PSMC5: variants seen among roughly 807,000 people sequenced by gnomAD.
PSMC5 encodes the protein proteasome 26S subunit, ATPase 5.
In PSMC5, 11 loss-of-function variants were observed where a neutral mutation model predicts 49.1. The ratio of observed to expected loss-of-function variants is 0.22; its 90% CI spans 0.14 to 0.37. The LOEUF (loss-of-function observed/expected upper bound fraction) is 0.37. Among genes scored for constraint, PSMC5 ranks in the 10% least tolerant of loss-of-function variants. The probability of loss-of-function intolerance (pLI) is 1.00; values close to 1 mark genes in which losing one functional copy is unlikely to be tolerated. For missense variants in PSMC5, 229 were observed against 520.9 expected (o/e 0.44, Z 5.45); for synonymous variants, 206 against 192.2 (o/e 1.07, Z -0.59).
chr17:63,827,811 C>T (rs2040129071), intron 1 of PSMC5: 3 of 1,428,436 alleles, frequency 2.1e-6, no homozygotes, highest in Admixed American at 2.9e-5. Context: ...GGCTCCGTTC[C>T]GCTGGCTCCT....
In PSMC5 at chr17:63,829,832, T is replaced by C. The variant is rs2144618079; in HGVS notation, c.167-20T>C. On this transcript the variant is annotated intron_variant, in intron 3 of 11. Coordinates refer to ENST00000310144, the MANE Select transcript of PSMC5 (RefSeq NM_002805.6). Reference sequence around the variant, plus strand: ...TCCAAAGGAGTAGCTAGGTGACCACTGTGTCTGTTTGCCATCTAGTTCGCC... The same window carrying C: ...TCCAAAGGAGTAGCTAGGTGACCACCGTGTCTGTTTGCCATCTAGTTCGCC... 1 of 1,612,486 alleles carries C rather than the reference T, an allele frequency of 6.2e-7. No homozygotes were observed. Among genetic ancestry groups the C allele is most frequent in the Non-Finnish European group, 8.5e-7 (1 of 1,178,526 alleles).
At chr17:63,827,671 C>A in intron 1 of PSMC5, 157 bp downstream of exon 1, 1 of 1,474,772 alleles carries the variant, frequency 6.8e-7, no homozygotes, top group South Asian at 1.3e-5. Context: ...TCTGCTGTGT[C>A]AGCGCCGCCC....
Position 63,827,848 on chromosome 17 carries a change from T to C in PSMC5, c.25-290T>C, listed in dbSNP as rs934916375. ...CGTCAGTACTGACACCTCGGGCTTG[T>C]AGAGCACTTCACGCAGTGCAAAGCG... On this transcript the variant is annotated intron_variant, in intron 1 of 11. Coordinates refer to ENST00000310144, the MANE Select transcript of PSMC5 (RefSeq NM_002805.6). The C allele has an allele frequency of 2.0e-5, 28 of 1,430,822 alleles. No homozygotes were observed. In the African/African-American group the frequency reaches 4.0e-4, roughly 21 times the overall value. The allele number at this position is 1,430,822 out of a possible 1,614,324, so 88.6% of individuals were successfully genotyped here. A position where few individuals can be genotyped will look rare whatever the true frequency, so the allele number is the denominator to read the frequency against.
In PSMC5 at chr17:63,830,185, A is replaced by G. The variant is rs1485923130; in HGVS notation, c.317A>G (p.Asn106Ser). 2 of 1,614,030 alleles carry G rather than the reference A, an allele frequency of 1.2e-6. No individual in the cohort carries two copies. Among genetic ancestry groups the G allele is most frequent in the East Asian group, 2.2e-5 (1 of 44,892 alleles). The change falls in exon 5 of 12, where the codon AAT (asparagine) becomes AGT (serine). Residue 106 changes from asparagine to serine, a missense_variant. Physicochemically the swap from Asn to Ser is conservative, Grantham distance 46 (BLOSUM62 1). Transcript: ENST00000310144. This position sits in a 1 kb window ranked among gnomAD's most constrained non-coding sequence, Gnocchi z 4.0. ...VVDVDKNIDI[N>S]DVTPNCRVAL... is the part of the protein sequence containing the mutation. ...GACGTGGACAAAAACATTGACATCA[A>G]TGATGTGAGTGTAGCAGGTGAGGTG...
chr17:63,828,272 C>T, intron 2 of PSMC5, 63 bp downstream of exon 2: 1 of 1,514,902 alleles, frequency 6.6e-7, no homozygotes, highest in South Asian at 1.1e-5. Context: ...CGGACTTCCA[C>T]AAATCCATCT....
rs987907949 is a variant in PSMC5 at position 63,827,473 on chromosome 17, C to G, written c.-18C>G. 5.8e-6 allele frequency: 9 copies of G among 1,551,622 alleles called. No homozygotes were observed. The African/African-American group carries it at 8.2e-5, about 14-fold the overall frequency. On this transcript the variant is annotated 5_prime_UTR_variant, in exon 1 of 12. Coordinates refer to ENST00000310144, the MANE Select transcript of PSMC5 (RefSeq NM_002805.6). ...CCAAGACGGCTCGGATGCCGGCGGT[C>G]TCTGCTGAAGAGAGAAGATGGCGCT...
Position 63,828,020 on chromosome 17 carries a change from CA to C in PSMC5, c.25-115del, listed in dbSNP as rs138713078. Reference sequence around the variant, plus strand: ...ACCCAGATCCTGAGCCTCCGAAGTCCAAACTTTTTCTACTACGCAAAGCTAC... The same window carrying C: ...ACCCAGATCCTGAGCCTCCGAAGTCCAACTTTTTCTACTACGCAAAGCTAC... On this transcript the variant is annotated intron_variant, in intron 1 of 11. Coordinates refer to ENST00000310144, the MANE Select transcript of PSMC5 (RefSeq NM_002805.6). The C allele has an allele frequency of 3.2e-3, 4,454 of 1,375,922 alleles. 108 individuals carry two copies. In the African/African-American group the frequency reaches 0.054, roughly 17 times the overall value. 85.2% of individuals were successfully genotyped at this position (1,375,922 alleles called of 1,614,324 possible).
chr17:63,827,929 C>A lies in PSMC5; in HGVS notation c.25-209C>A, dbSNP rs1000628655. Reference sequence around the variant, plus strand: ...CCTCCTAAAAGTCGTATGAGGTAGGCGGCGTTCCCATTCTTTTATTTTAGT... The same window carrying A: ...CCTCCTAAAAGTCGTATGAGGTAGGAGGCGTTCCCATTCTTTTATTTTAGT... On this transcript the variant is annotated intron_variant, in intron 1 of 11. Coordinates refer to ENST00000310144, the MANE Select transcript of PSMC5 (RefSeq NM_002805.6). The A allele has an allele frequency of 2.2e-6, 3 of 1,346,840 alleles. No homozygotes were observed. In the African/African-American group the frequency reaches 4.4e-5, roughly 20 times the overall value. The allele number at this position is 1,346,840 out of a possible 1,614,324, so 83.4% of individuals were successfully genotyped here.
chr17:63,831,458 G>A lies in PSMC5; in HGVS notation c.969+33G>A. On this transcript the variant is annotated intron_variant, in intron 9 of 11. Coordinates refer to ENST00000310144, the MANE Select transcript of PSMC5 (RefSeq NM_002805.6). The surrounding 1 kb of genome is among the most constrained non-coding windows in gnomAD (Gnocchi z 6.3). ...ATGGACACTGTGCAAAGTGGCTCTG[G>A]CTGTGGGGGTGGGGTGTGGGGCTCA... 1 of 1,613,064 alleles carries A rather than the reference G, an allele frequency of 6.2e-7. No individual in the cohort carries two copies. Among genetic ancestry groups the A allele is most frequent in the Non-Finnish European group, 8.5e-7 (1 of 1,179,128 alleles).
chr17:63,831,607 T>C lies in PSMC5; in HGVS notation c.1071T>C (p.Ala357=). ...AGCTCATGCCAGGAGCATCAGGGGC[T>C]GAAGTGAAGGTAATTGGAGTACCCA... is the stretch of plus-strand genomic sequence containing the variant. ...IAELMPGASG[A]EVKGVCTEAG... is the part of the protein sequence containing the mutation. The change falls in exon 10 of 12, where the codon GCT becomes GCC. Residue 357 remains alanine, a synonymous_variant. Coordinates refer to ENST00000310144, the MANE Select transcript of PSMC5 (RefSeq NM_002805.6). The surrounding 1 kb of genome is among the most constrained non-coding windows in gnomAD (Gnocchi z 6.3). The C allele has an allele frequency of 1.9e-6, 3 of 1,614,082 alleles. No homozygotes were observed. In the South Asian group the frequency reaches 3.3e-5, roughly 18 times the overall value.
At chr17:63,829,294 T>C in intron 2 of PSMC5, 200 bp from the exon 3 acceptor site, 5 of 560,446 alleles carry the variant, frequency 8.9e-6, no homozygotes, top group South Asian at 2.3e-5. Flanking sequence ...GCAGCCTTCT[T>C]TGATGGCTGC....
Position 63,830,581 on chromosome 17 carries a change from G to C in PSMC5, c.552+80G>C. ...AGCCAGCCCTACTGCAGGGGTTGGG[G>C]AGGCACCGGGATAGGCTGCATCTTG... On this transcript the variant is annotated intron_variant, in intron 6 of 11. Coordinates refer to ENST00000310144, the MANE Select transcript of PSMC5 (RefSeq NM_002805.6). This position sits in a 1 kb window ranked among gnomAD's most constrained non-coding sequence, Gnocchi z 4.0. 1 of 1,552,378 alleles carries C rather than the reference G, an allele frequency of 6.4e-7. No individual in the cohort carries two copies. Among genetic ancestry groups the C allele is most frequent in the Non-Finnish European group, 8.7e-7 (1 of 1,151,700 alleles).
rs748011851 is a variant in PSMC5, at chr17:63,831,010, C to T, written c.680-26C>T. On this transcript the variant is annotated intron_variant, in intron 7 of 11. Transcript: ENST00000310144. The surrounding 1 kb of genome is among the most constrained non-coding windows in gnomAD (Gnocchi z 6.3). ...GAGAGCTAATAAGCTAATAAGCTCC[C>T]TAACACCAGCTCGGCCTCCACACAG... 4 of 1,598,190 alleles carry T rather than the reference C, an allele frequency of 2.5e-6. No individual in the cohort carries two copies. The highest frequency in any genetic ancestry group is 2.6e-6 in the Non-Finnish European group (3 of 1,170,454).
Position 63,829,958 on chromosome 17 carries a change from A to G in PSMC5, c.264+9A>G, listed in dbSNP as rs28607100. 10,405 of 1,604,338 alleles carry G rather than the reference A, an allele frequency of 6.5e-3. 582 individuals are homozygous for G. The African/African-American group carries it at 0.12, about 19-fold the overall frequency. On this transcript the variant is annotated intron_variant, in intron 4 of 11. Coordinates refer to ENST00000310144, the MANE Select transcript of PSMC5 (RefSeq NM_002805.6). ...AGAAAGTGTTGGTCAAGGTAAAAGC[A>G]GCATGACCCCAGGGACCAGCTCGGT... is the stretch of plus-strand genomic sequence containing the variant.
intron 3 of PSMC5, 109 bp downstream of exon 3, chr17:63,829,672 C>T: frequency 1.6e-6 from 2 of 1,262,818 alleles, no homozygotes; most frequent in East Asian, 2.5e-5. Flanking sequence ...TCCCTGTCAT[C>T]ATCTAGTAGT....
In PSMC5 at chr17:63,827,439, G is replaced by C. The variant is rs758145577; in HGVS notation, c.-52G>C. The C allele has an allele frequency of 2.1e-5, 32 of 1,551,578 alleles. No homozygotes were observed. The highest frequency in any genetic ancestry group is 2.8e-5 in the Non-Finnish European group (32 of 1,146,996). ...TCAGGTCCCAATCCTCCGCTTCCGC[G>C]CTTGCGCGCCAAGACGGCTCGGATG... On this transcript the variant is annotated 5_prime_UTR_variant, in exon 1 of 12. Transcript: ENST00000310144.
intron 1 of PSMC5, 112 bp downstream of exon 1, chr17:63,827,626 G>T: frequency 1.3e-6 from 2 of 1,545,502 alleles, no homozygotes; most frequent in Non-Finnish European, 1.7e-6. Flanking sequence ...GGAGGTGCCT[G>T]GACCAGTCCA....
chr17:63,827,797 C>T (rs917365332), intron 1 of PSMC5: 4 of 1,430,148 alleles, frequency 2.8e-6, no homozygotes, highest in African/African-American at 2.9e-5. Context: ...GACGCCAGTC[C>T]TTTGGCTCCG....
chr17:63,827,820 C>T, intron 1 of PSMC5: 1 of 1,428,462 alleles, frequency 7.0e-7, no homozygotes, highest in South Asian at 1.5e-5. Context: ...CCGCTGGCTC[C>T]TTCGTCAGTA....
Sources: gnomAD v4.1 joint callset for allele counts on GRCh38, gnomAD v4.1.1 for gene constraint, Gnocchi (gnomAD v3.1) non-coding constraint, MANE v1.5 for transcripts, NCBI Gene and HGNC (gene_info 2026-07-23, HGNC 2026-07-21) for gene names.